The following TVP23A variants were observed in gnomAD, a reference collection of about 807,000 sequenced individuals.
TVP23A encodes the protein Golgi apparatus membrane protein TVP23 homolog A.
Under a neutral mutation model 31.7 loss-of-function variants are expected in TVP23A, and 21 were observed. That is an observed-to-expected ratio of 0.66 (90% CI 0.47 to 0.95). The LOEUF (loss-of-function observed/expected upper bound fraction) is 0.95, where lower values mean the gene tolerates loss of function less well. Ranked by LOEUF, TVP23A falls within the 40% of genes least tolerant of loss-of-function variation. The pLI, the probability that TVP23A is intolerant of heterozygous loss-of-function variation, is 0.00. For synonymous variants in TVP23A, 104 were observed against 96.0 expected, an observed-to-expected ratio of 1.08 and a Z score of -0.49; for missense variants, 279 against 255.6, an observed-to-expected ratio of 1.09 and a Z score of -0.62.
At chr16:10,758,599 T>C (rs997523651), downstream of TVP23A, among the ~76,000 whole-genome samples, 6 of 152,232 alleles carry the variant, frequency 3.9e-5, no homozygotes, top group East Asian at 9.6e-4. Flanking sequence ...TTTTGAACTT[T>C]CCTTGAGGAA....
At chr16:10,802,288 A>ATG (rs888569108) in intron 2 of TVP23A, among the ~76,000 whole-genome samples, 1 of 114,906 alleles carries the variant, frequency 8.7e-6, no homozygotes, top group African/African-American at 4.1e-5. Flanking sequence ...GTGTGTGTAT[A>ATG]TGTGTGTGTG....
At chr16:10,805,792 G>A (rs915674540) in intron 2 of TVP23A, among the ~76,000 whole-genome samples, 2 of 151,788 alleles carry the variant, frequency 1.3e-5, no homozygotes, top group Non-Finnish European at 2.9e-5. Flanking sequence ...TTTTCTCTGT[G>A]GTCCCTAGAA....
chr16:10,768,068 G>C lies in TVP23A; in HGVS notation c.*1034C>G. On this transcript the variant is annotated 3_prime_UTR_variant, in exon 8 of 8. Coordinates refer to ENST00000299866, the MANE Select transcript of TVP23A (RefSeq NM_001079512.4). This position sits in a 1 kb window ranked among gnomAD's most constrained non-coding sequence, Gnocchi z 4.3. ...CCATGAGTACTAAATGCAGATGCCT[G>C]TGGGGCAGGAAGCAACATAAAGGAG... 6.3e-7 allele frequency: 1 copy of C among 1,596,514 alleles called. No homozygotes were observed. Among genetic ancestry groups the C allele is most frequent in the Non-Finnish European group, 8.6e-7 (1 of 1,164,854 alleles).
chr16:10,758,669 T>G (rs1900738597), downstream of TVP23A, among the ~76,000 whole-genome samples: 1 of 152,190 alleles, frequency 6.6e-6, no homozygotes, highest in African/African-American at 2.4e-5. Context: ...CCGTCAGCCT[T>G]GCCGTGTCCA....
At chr16:10,764,193 C>G (rs966424818), downstream of TVP23A, among the ~76,000 whole-genome samples, 1 of 152,252 alleles carries the variant, frequency 6.6e-6, no homozygotes, top group Middle Eastern at 3.2e-3. Flanking sequence ...CATCCCAGCC[C>G]GAAGGAGCGT....
In TVP23A at chr16:10,768,924, C is replaced by G. The variant is rs1304446386; in HGVS notation, c.*178G>C. The G allele has an allele frequency of 2.5e-6, 2 of 801,218 alleles. No individual in the cohort carries two copies. The highest frequency in any genetic ancestry group is 4.2e-6 in the Non-Finnish European group (2 of 479,030). The allele number at this position is 801,218 out of a possible 1,614,324, so 49.6% of individuals were successfully genotyped here. A position where few individuals can be genotyped will look rare whatever the true frequency, so the allele number is the denominator to read the frequency against. ...GACTCAGGGCATCACAGACACAGGT[C>G]TTTTTATGGAACTAGCCAGAGGATT... On this transcript the variant is annotated 3_prime_UTR_variant, in exon 8 of 8. Coordinates refer to ENST00000299866, the MANE Select transcript of TVP23A (RefSeq NM_001079512.4). The surrounding 1 kb of genome is among the most constrained non-coding windows in gnomAD (Gnocchi z 4.3).
intron 2 of TVP23A, chr16:10,808,545 C>T (rs757334183): frequency 2.7e-4 from 124 of 455,078 alleles, no homozygotes; most frequent in Non-Finnish European, 4.4e-5. Context: ...ACCTTTAATC[C>T]CAGCACTTTG....
chr16:10,787,505 C>A (rs2032836549), intron 2 of TVP23A, among the ~76,000 whole-genome samples: 2 of 152,028 alleles, frequency 1.3e-5, no homozygotes. Flanking sequence ...GGCAACATGG[C>A]ACCAGCCAAG....
intron 5 of TVP23A, 52 bp downstream of exon 5, chr16:10,773,261 A>G: frequency 1.3e-6 from 2 of 1,545,966 alleles, no homozygotes; most frequent in African/African-American, 1.4e-5. Flanking sequence ...TGGTGCAAAC[A>G]CTTTTTTTGC....
intron 2 of TVP23A, among the ~76,000 whole-genome samples, chr16:10,781,465 G>C: frequency 6.6e-6 from 1 of 152,162 alleles, no homozygotes; most frequent in Middle Eastern, 3.2e-3. Flanking sequence ...TCTCTTTCTA[G>C]ATCCACTTAT....
chr16:10,797,188 A>G (rs2033435615), intron 2 of TVP23A, among the ~76,000 whole-genome samples: 1 of 137,074 alleles, frequency 7.3e-6, no homozygotes, highest in African/African-American at 2.6e-5. Flanking sequence ...GACCCTGTAG[A>G]AAAAAAAAAA....
chr16:10,774,111 G>C lies in TVP23A; in HGVS notation c.252C>G (p.Leu84=), dbSNP rs1318801152. The change falls in exon 4 of 8, where the codon CTC becomes CTG. Residue 84 remains leucine (L), a synonymous_variant. Coordinates refer to ENST00000299866, the MANE Select transcript of TVP23A (RefSeq NM_001079512.4). ...FWSVKNVTGR[L]LVGLRWWNQI... ...GGTTCCACCATCGAAGGCCCACCAGGAGTCTTCCGGTTACATTCTGAGAAC... is the reference window on the plus strand; with the variant it reads ...GGTTCCACCATCGAAGGCCCACCAGCAGTCTTCCGGTTACATTCTGAGAAC... 1.9e-6 allele frequency: 3 copies of C among 1,610,160 alleles called. No individual in the cohort carries two copies. Among genetic ancestry groups the C allele is most frequent in the Non-Finnish European group, 2.5e-6 (3 of 1,178,272 alleles).
At chr16:10,775,307 T>C (rs1413289678) in intron 2 of TVP23A, 9 of 1,388,908 alleles carry the variant, frequency 6.5e-6, no homozygotes, top group South Asian at 1.6e-5. Flanking sequence ...CTGTTTTTTT[T>C]CCTCCCCTTC....
chr16:10,818,000 C>A (rs1326592720), intron 2 of TVP23A, 103 bp downstream of exon 2: 13 of 1,020,408 alleles, frequency 1.3e-5, no homozygotes, highest in Non-Finnish European at 1.8e-5. Flanking sequence ...AGCCCCAGAC[C>A]TGGCACACAG....
At chr16:10,771,029 G>C (rs1179986232) in intron 6 of TVP23A, among the ~76,000 whole-genome samples, 1 of 152,014 alleles carries the variant, frequency 6.6e-6, no homozygotes, top group Non-Finnish European at 1.5e-5. Flanking sequence ...CAAACCAATA[G>C]ATACAGAAAG....
At chr16:10,762,956 C>T (rs1378988185), downstream of TVP23A, among the ~76,000 whole-genome samples, 1 of 151,516 alleles carries the variant, frequency 6.6e-6, no homozygotes, top group African/African-American at 2.4e-5. Context: ...GAACAGGAGG[C>T]TCAGGAGTGG....
chr16:10,760,454 G>C (rs1475879540), downstream of TVP23A, among the ~76,000 whole-genome samples: 1 of 152,218 alleles, frequency 6.6e-6, no homozygotes, highest in Admixed American at 6.5e-5. Context: ...TGCGTTAAAA[G>C]GTCATTTTCA....
At chr16:10,797,898 CTGTATTATTCTATTT>C (rs893523957) in intron 2 of TVP23A, among the ~76,000 whole-genome samples, 4 of 150,340 alleles carry the variant, frequency 2.7e-5, no homozygotes, top group African/African-American at 9.8e-5. Flanking sequence ...ATGGGATTCA[CTGTATTATTCTATTT>C]TGTATGTTTG....
downstream of TVP23A, among the ~76,000 whole-genome samples, chr16:10,764,720 T>A (rs2030598873): frequency 6.6e-6 from 1 of 151,390 alleles, no homozygotes; most frequent in Admixed American, 6.6e-5. Flanking sequence ...TGCTGGAGTA[T>A]GTCAGTCTGT....
Sources: allele counts gnomAD v4.1 joint callset (sites outside exome capture counted in the v4.1 genomes callset), GRCh38; gene constraint gnomAD v4.1.1; non-coding constraint Gnocchi (gnomAD v3.1); transcripts MANE v1.5; gene names NCBI Gene and HGNC (gene_info 2026-07-23, HGNC 2026-07-21).